KAZN: variants seen among roughly 807,000 people sequenced by gnomAD.
KAZN encodes the protein kazrin.
Under a neutral mutation model 87.4 loss-of-function variants are expected in KAZN, and 40 were observed. The observed-to-expected ratio is 0.46, with a 90% CI of 0.36 to 0.60. The LOEUF (loss-of-function observed/expected upper bound fraction) is 0.60, where lower values mean the gene tolerates loss of function less well. KAZN is among the 20% of genes least tolerant of loss of function. The pLI is 0.00. For missense variants in KAZN, 898 were observed against 1,073.9 expected, an observed-to-expected ratio of 0.84 and a Z score of 2.29; for synonymous variants, 466 against 458.3, an observed-to-expected ratio of 1.02 and a Z score of -0.22.
At chr1:14,496,447 G>A (rs1669948453) in intron 2 of KAZN, among the ~76,000 whole-genome samples, 1 of 152,120 alleles carries the variant, frequency 6.6e-6, no homozygotes, top group African/African-American at 2.4e-5. Flanking sequence ...ACAGTGTTAG[G>A]GGGCTAGAGA....
At chr1:14,943,099 C>G (rs1285777158) in intron 1 of KAZN, among the ~76,000 whole-genome samples, 1 of 132,122 alleles carries the variant, frequency 7.6e-6, no homozygotes, top group Non-Finnish European at 1.6e-5. Flanking sequence ...TTACATTTTT[C>G]GAATAGTTTT....
chr1:14,266,906 C>G (rs1405927698), intron 2 of KAZN, among the ~76,000 whole-genome samples: 1 of 151,650 alleles, frequency 6.6e-6, no homozygotes, highest in African/African-American at 2.4e-5. Context: ...TATTATTATA[C>G]TTTAAATTTT....
chr1:14,794,186 G>A (rs1483429644), intron 1 of KAZN, among the ~76,000 whole-genome samples: 1 of 152,068 alleles, frequency 6.6e-6, no homozygotes, highest in Non-Finnish European at 1.5e-5. Context: ...AGCTGTAAAG[G>A]GTCAGCAAGA....
intron 2 of KAZN, among the ~76,000 whole-genome samples, chr1:14,417,501 C>T (rs530023682): frequency 3.9e-5 from 6 of 152,260 alleles, no homozygotes; most frequent in Admixed American, 2.6e-4. Context: ...TGTCCAGTGC[C>T]ATGGAGTCAA....
intron 1 of KAZN, among the ~76,000 whole-genome samples, chr1:14,835,329 G>A (rs188384029): frequency 9.1e-4 from 139 of 152,244 alleles, no homozygotes; most frequent in African/African-American, 3.1e-3. Flanking sequence ...CAGGGTTACC[G>A]CAGAGCAAAT....
intron 1 of KAZN, among the ~76,000 whole-genome samples, chr1:13,927,753 A>G (rs1640340802): frequency 6.6e-6 from 1 of 152,194 alleles, no homozygotes; most frequent in Non-Finnish European, 1.5e-5. Flanking sequence ...TGATATTTAG[A>G]AGGTCGCATA....
chr1:13,921,636 T>A (rs1274392068), intron 1 of KAZN, among the ~76,000 whole-genome samples: 1 of 152,176 alleles, frequency 6.6e-6, no homozygotes, highest in Non-Finnish European at 1.5e-5. Flanking sequence ...GTTTGCATTT[T>A]TTTTTTTGAA....
intron 1 of KAZN, among the ~76,000 whole-genome samples, chr1:14,933,168 C>T (rs1323527499): frequency 1.3e-5 from 2 of 152,102 alleles, no homozygotes; most frequent in Non-Finnish European, 2.9e-5. Flanking sequence ...CTTGGCTCAC[C>T]GCAACCTCTG....
At chr1:14,842,716 G>A (rs1169645141) in intron 1 of KAZN, among the ~76,000 whole-genome samples, 1 of 152,202 alleles carries the variant, frequency 6.6e-6, no homozygotes, top group African/African-American at 2.4e-5. Flanking sequence ...CAATTTGCAA[G>A]GGGATTTTCT....
chr1:14,847,958 C>T lies in KAZN; in HGVS notation c.227-112726C>T, dbSNP rs183095494. ...TCAGGCCACTGCACTCCATCCTGGG[C>T]GACAGAGTGAGATTCTGTCTCAAAA... is the stretch of plus-strand genomic sequence containing the variant. On this transcript the variant is annotated intron_variant, in intron 1 of 14. Transcript: ENST00000376030. Among the ~76,000 whole-genome samples, 65 of 152,170 alleles carry T rather than the reference C, an allele frequency of 4.3e-4. No homozygotes were observed. The East Asian group carries it at 9.3e-3, about 22-fold the overall frequency.
Position 14,500,210 on chromosome 1 carries a change from G to A in KAZN, c.250-98773G>A, listed in dbSNP as rs1483577066. Among the ~76,000 whole-genome samples the A allele has an allele frequency of 2.6e-5, 4 of 152,206 alleles. No homozygotes were observed. In the East Asian group the frequency reaches 5.8e-4, roughly 22 times the overall value. On this transcript the variant is annotated intron_variant, in intron 2 of 16. Transcript: ENST00000636203. ...TATTCCTTGGGCAAATAAAGTCTGG[G>A]AACTCAAGGGCCACACCTCCCCTGG...
chr1:13,964,708 C>G, intron 1 of KAZN, among the ~76,000 whole-genome samples: 1 of 152,188 alleles, frequency 6.6e-6, no homozygotes, highest in East Asian at 1.9e-4. Flanking sequence ...TTGCCGCATT[C>G]TGTCAGCCAA....
intron 1 of KAZN, among the ~76,000 whole-genome samples, chr1:14,729,757 A>C (rs548769479): frequency 6.6e-6 from 1 of 152,126 alleles, no homozygotes. Context: ...CCGAATAACA[A>C]CACTAAGGCC....
At chr1:15,073,240 C>A (rs1273077947) in intron 8 of KAZN, among the ~76,000 whole-genome samples, 1 of 152,176 alleles carries the variant, frequency 6.6e-6, no homozygotes, top group African/African-American at 2.4e-5. Context: ...CCTGACCTAG[C>A]TTTGGGTTTT....
At chr1:15,038,457 G>C (rs568490776) in intron 3 of KAZN, among the ~76,000 whole-genome samples, 7 of 152,312 alleles carry the variant, frequency 4.6e-5, no homozygotes, top group African/African-American at 1.7e-4. Context: ...ATACAGGCAT[G>C]AACATGGTAT....
intron 1 of KAZN, among the ~76,000 whole-genome samples, chr1:14,685,697 C>T (rs1640913940): frequency 6.6e-6 from 1 of 152,156 alleles, no homozygotes; most frequent in South Asian, 2.1e-4. Context: ...GAGTCAATTG[C>T]TTTGGGAGAA....
intron 2 of KAZN, among the ~76,000 whole-genome samples, chr1:14,306,718 C>A (rs1405421700): frequency 6.6e-6 from 1 of 152,136 alleles, no homozygotes; most frequent in African/African-American, 2.4e-5. Context: ...AATCGCAGAC[C>A]ATGAGGTGAT....
intron 1 of KAZN, among the ~76,000 whole-genome samples, chr1:13,938,494 T>C (rs1640820883): frequency 6.6e-6 from 1 of 152,190 alleles, no homozygotes; most frequent in African/African-American, 2.4e-5. Flanking sequence ...CTTCCTCTTT[T>C]CCAATTTGGA....
intron 1 of KAZN, among the ~76,000 whole-genome samples, chr1:14,064,566 A>G (rs1642930151): frequency 6.6e-6 from 1 of 151,806 alleles, no homozygotes; most frequent in African/African-American, 2.4e-5. Context: ...ATTGTAAGGA[A>G]GCGTTTTTTG....
Sources: gnomAD v4.1 joint callset for allele counts (sites outside exome capture counted in the v4.1 genomes callset) on GRCh38, gnomAD v4.1.1 for gene constraint, MANE v1.5 for transcripts, NCBI Gene and HGNC (gene_info 2026-07-23, HGNC 2026-07-21) for gene names.